Variants in TMEM132D observed in about 807,000 individuals in gnomAD.
TMEM132D encodes mature OL transmembrane protein.
Under a neutral mutation model 62.3 loss-of-function variants are expected in TMEM132D, and 21 were observed. The observed-to-expected ratio is 0.34, with a 90% CI of 0.24 to 0.49. The LOEUF (loss-of-function observed/expected upper bound fraction) is 0.49. TMEM132D is among the 20% of genes least tolerant of loss of function. The pLI is 0.99. For missense variants in TMEM132D, 1,346 were observed against 1,402.8 expected (o/e 0.96, Z 0.65); for synonymous variants, 621 against 575.6 (o/e 1.08, Z -1.13).
At chr12:129,832,322 G>A (rs2137335443) in intron 1 of TMEM132D, among the ~76,000 whole-genome samples, 1 of 151,342 alleles carries the variant, frequency 6.6e-6, no homozygotes, top group Non-Finnish European at 1.5e-5. Flanking sequence ...TGTAACAGAG[G>A]CCACATGTGT....
chr12:129,546,490 T>C (rs1429824368), intron 2 of TMEM132D, among the ~76,000 whole-genome samples: 1 of 152,112 alleles, frequency 6.6e-6, no homozygotes, highest in African/African-American at 2.4e-5. Flanking sequence ...ATATTAACAT[T>C]GTCAAGCCCC....
chr12:129,463,055 A>G (rs1371127434), intron 3 of TMEM132D, among the ~76,000 whole-genome samples: 1 of 152,196 alleles, frequency 6.6e-6, no homozygotes, highest in Non-Finnish European at 1.5e-5. Flanking sequence ...CACACACAGG[A>G]AAACTGAATC....
intron 1 of TMEM132D, among the ~76,000 whole-genome samples, chr12:129,878,679 C>A (rs780104139): frequency 6.6e-6 from 1 of 151,802 alleles, no homozygotes; most frequent in African/African-American, 2.4e-5. Flanking sequence ...CGGGTTCAAA[C>A]GATTTTCCTG....
chr12:129,311,263 A>G (rs919223042), intron 4 of TMEM132D, among the ~76,000 whole-genome samples: 2 of 150,788 alleles, frequency 1.3e-5, no homozygotes, highest in Non-Finnish European at 1.5e-5. Context: ...GATCAAAAAA[A>G]CTGCGGATCA....
At chr12:129,295,559 T>A (rs1476970945) in intron 4 of TMEM132D, among the ~76,000 whole-genome samples, 1 of 151,090 alleles carries the variant, frequency 6.6e-6, no homozygotes, top group Admixed American at 6.6e-5. Flanking sequence ...GTCTCCCAAG[T>A]AGCTGAGTTT....
intron 5 of TMEM132D, chr12:129,111,456 C>T (rs1277793931): frequency 1.3e-5 from 2 of 152,266 alleles, no homozygotes; most frequent in African/African-American, 4.8e-5. Flanking sequence ...AAGTGAGACT[C>T]CTCAGCCAGG....
intron 1 of TMEM132D, among the ~76,000 whole-genome samples, chr12:129,840,904 T>C (rs1301810843): frequency 1.3e-5 from 2 of 152,232 alleles, no homozygotes; most frequent in African/African-American, 2.4e-5. Context: ...AAGGAAAGCA[T>C]GAAATGCTTA....
intron 3 of TMEM132D, among the ~76,000 whole-genome samples, chr12:129,390,384 T>C (rs1871258901): frequency 6.6e-6 from 1 of 152,002 alleles, no homozygotes; most frequent in Non-Finnish European, 1.5e-5. Context: ...TGTCTACAAT[T>C]ACCTGGCTGA....
chr12:129,756,452 C>T (rs1235856577), intron 1 of TMEM132D, among the ~76,000 whole-genome samples: 1 of 152,094 alleles, frequency 6.6e-6, no homozygotes, highest in Non-Finnish European at 1.5e-5. Context: ...TTGTATGATT[C>T]CACTTATAAG....
Position 129,700,067 on chromosome 12 carries a change from C to G in TMEM132D, c.711G>C (p.Gly237=), listed in dbSNP as rs140064887. 6.2e-7 allele frequency: 1 copy of G among 1,613,750 alleles called. No homozygotes were observed. Reference sequence around the variant, plus strand: ...TCCTCGCGTCTTCCCTGACGCAGTCCCCTCTCTCACCCCCTGGGTGCACGG... The same window carrying G: ...TCCTCGCGTCTTCCCTGACGCAGTCGCCTCTCTCACCCCCTGGGTGCACGG... ...YYTVHPGGER[G]DCVREDARRS... The change falls in exon 2 of 9, where the codon GGG becomes GGC. Residue 237 remains glycine, a synonymous_variant. Coordinates refer to ENST00000422113, the MANE Select transcript of TMEM132D (RefSeq NM_133448.3).
intron 1 of TMEM132D, among the ~76,000 whole-genome samples, chr12:129,887,616 T>C (rs1196641792): frequency 6.6e-6 from 1 of 152,112 alleles, no homozygotes; most frequent in Non-Finnish European, 1.5e-5. Context: ...ATAATAATAA[T>C]AATAGTTTCC....
chr12:129,647,401 G>A (rs1303350796), intron 2 of TMEM132D, among the ~76,000 whole-genome samples: 1 of 151,934 alleles, frequency 6.6e-6, no homozygotes, highest in Non-Finnish European at 1.5e-5. Flanking sequence ...CCTTCCTCAC[G>A]ACAATCAGTG....
chr12:129,193,879 G>A (rs1210194682), intron 5 of TMEM132D, among the ~76,000 whole-genome samples: 1 of 152,202 alleles, frequency 6.6e-6, no homozygotes, highest in East Asian at 1.9e-4. Context: ...GTGTGATGAA[G>A]TCACATTTTA....
intron 1 of TMEM132D, among the ~76,000 whole-genome samples, chr12:129,806,428 T>C (rs1474555176): frequency 8.1e-6 from 1 of 124,106 alleles, no homozygotes; most frequent in Non-Finnish European, 1.7e-5. Flanking sequence ...TCATTCTCAG[T>C]AAACTATCGC....
chr12:129,830,673 G>T (rs2137333649), intron 1 of TMEM132D, among the ~76,000 whole-genome samples: 1 of 152,216 alleles, frequency 6.6e-6, no homozygotes, highest in Non-Finnish European at 1.5e-5. Context: ...AGGACTCCCT[G>T]GGGCTGTGTC....
chr12:129,313,156 C>T (rs534368874), intron 4 of TMEM132D, among the ~76,000 whole-genome samples: 1 of 139,760 alleles, frequency 7.2e-6, no homozygotes, highest in African/African-American at 2.8e-5. Context: ...AGACAAGAGA[C>T]ATACATTTTA....
chr12:129,400,904 T>C (rs1277141573), intron 3 of TMEM132D, among the ~76,000 whole-genome samples: 1 of 152,194 alleles, frequency 6.6e-6, no homozygotes, highest in Non-Finnish European at 1.5e-5. Context: ...AAGAAAAATA[T>C]AGCAAAATGT....
At chr12:129,635,501 T>G (rs1185499651) in intron 2 of TMEM132D, among the ~76,000 whole-genome samples, 1 of 152,088 alleles carries the variant, frequency 6.6e-6, no homozygotes, top group African/African-American at 2.4e-5. Context: ...AAGCCTCAGG[T>G]CAAGGGAAGC....
intron 2 of TMEM132D, among the ~76,000 whole-genome samples, chr12:129,547,814 A>G (rs1183406154): frequency 6.6e-6 from 1 of 152,152 alleles, no homozygotes; most frequent in African/African-American, 2.4e-5. Flanking sequence ...TTATGAAAAG[A>G]AGTTTTACCC....
Sources: allele counts gnomAD v4.1 joint callset (sites outside exome capture counted in the v4.1 genomes callset), GRCh38; gene constraint gnomAD v4.1.1; transcripts MANE v1.5; gene names NCBI Gene and HGNC (gene_info 2026-07-23, HGNC 2026-07-21).